ZSCAN32: variants seen among roughly 807,000 people sequenced by gnomAD.
ZSCAN32 encodes the protein zinc finger and SCAN domain-containing protein 32.
A neutral mutation model predicts 47.4 loss-of-function variants in ZSCAN32; 52 were observed. The ratio of observed to expected loss-of-function variants is 1.10; its 90% CI spans 0.88 to 1.38. The LOEUF is 1.38. Among genes scored for constraint, ZSCAN32 ranks in the 40% most tolerant of loss-of-function variants. ZSCAN32 has a pLI of 0.00. For missense variants in ZSCAN32, 959 were observed against 846.0 expected (o/e 1.13, Z -1.66); for synonymous variants, 346 against 305.7 (o/e 1.13, Z -1.38).
At chr16:3,394,615 G>A (rs974507341) in intron 2 of ZSCAN32, among the ~76,000 whole-genome samples, 11 of 152,064 alleles carry the variant, frequency 7.2e-5, no homozygotes, top group African/African-American at 2.7e-4. Flanking sequence ...AAAATCTAGA[G>A]TCCTGTCCCT....
intron 4 of ZSCAN32, 89 bp downstream of exon 4, chr16:3,390,334 A>G (rs918372490): frequency 7.2e-7 from 1 of 1,393,286 alleles, no homozygotes; most frequent in Non-Finnish European, 9.7e-7. Flanking sequence ...CATGGACCAC[A>G]CAGAATCTTT....
chr16:3,391,033 A>T (rs992872237), intron 3 of ZSCAN32, among the ~76,000 whole-genome samples: 4 of 152,232 alleles, frequency 2.6e-5, no homozygotes, highest in African/African-American at 9.6e-5. Flanking sequence ...GAATTGTACA[A>T]ATATGACTGT....
intron 2 of ZSCAN32, among the ~76,000 whole-genome samples, chr16:3,394,957 T>A (rs535786951): frequency 6.6e-6 from 1 of 152,336 alleles, no homozygotes; most frequent in Non-Finnish European, 1.5e-5. Flanking sequence ...ACTCCAGTTA[T>A]CACATCACTC....
intron 5 of ZSCAN32, 23 bp from the exon 6 acceptor site, chr16:3,384,964 A>G (rs748484394): frequency 2.9e-5 from 47 of 1,601,386 alleles, no homozygotes; most frequent in Non-Finnish European, 3.8e-5. Context: ...GAATAGGTCA[A>G]TTAGATCTGT....
Position 3,393,739 on chromosome 16 carries a change from T to G in ZSCAN32, c.442A>C (p.Arg148=). Residue 148 remains arginine, a synonymous_variant, in exon 3 of 7, where the codon AGA becomes CGA. Coordinates refer to ENST00000396852, the MANE Select transcript of ZSCAN32 (RefSeq NM_001284527.2). ...TGAACCTCCTGTTTCCATTGGGATC[T>G]CAGTGATTCTCTGGTTGCTCCCAAA... ...APLGATRESL[R]SQWKQEVQPE... 1 of 1,550,470 alleles carries G rather than the reference T, an allele frequency of 6.4e-7. No homozygotes were observed. The highest frequency in any genetic ancestry group is 8.7e-7 in the Non-Finnish European group (1 of 1,146,932).
intron 2 of ZSCAN32, among the ~76,000 whole-genome samples, chr16:3,394,974 T>C (rs1431144092): frequency 6.6e-6 from 1 of 152,232 alleles, no homozygotes; most frequent in African/African-American, 2.4e-5. Context: ...ACTCTGCTCA[T>C]TTCCTTCCAA....
At chr16:3,389,340 C>A (rs1245645068) in intron 5 of ZSCAN32, among the ~76,000 whole-genome samples, 1 of 152,192 alleles carries the variant, frequency 6.6e-6, no homozygotes, top group African/African-American at 2.4e-5. Context: ...GTCCCTCCCA[C>A]CCTGGGCTTA....
At chr16:3,393,880 G>C (rs762557926) in intron 2 of ZSCAN32, 66 bp from the exon 3 acceptor site, 26 of 1,354,088 alleles carry the variant, frequency 1.9e-5, no homozygotes, top group Admixed American at 2.8e-5. Flanking sequence ...CAACTCCTAA[G>C]AGTGGCATTA....
At chr16:3,383,985 A>G (rs1037194756) in intron 6 of ZSCAN32, 18 of 470,474 alleles carry the variant, frequency 3.8e-5, no homozygotes, top group African/African-American at 1.8e-4. Context: ...ATTAAGCACT[A>G]TATCATCTGC....
In ZSCAN32 at chr16:3,383,003, A is replaced by G. The variant is rs750462968; in HGVS notation, c.1943T>C (p.Phe648Ser). 7 of 1,613,924 alleles carry G rather than the reference A, an allele frequency of 4.3e-6. No homozygotes were observed. In the South Asian group the frequency reaches 6.6e-5, roughly 15 times the overall value. ...AGTGTGGGTTTTTCGGTGGGCACTG[A>G]AGTGGGAGCTATTGTTGAAGATTTT... ...CGKIFNNSSH[F>S]SAHRKTHTGE... The change falls in exon 7 of 7, where the codon TTC (phenylalanine) becomes TCC (serine). Residue 648 changes from phenylalanine (F) to serine (S), a missense_variant. Physicochemically the swap from Phe to Ser is radical, Grantham distance 155. Coordinates refer to ENST00000396852, the MANE Select transcript of ZSCAN32 (RefSeq NM_001284527.2).
intron 5 of ZSCAN32, among the ~76,000 whole-genome samples, chr16:3,387,358 C>T (rs2032139120): frequency 6.6e-6 from 1 of 152,170 alleles, no homozygotes; most frequent in Non-Finnish European, 1.5e-5. Flanking sequence ...CTCAGCCAGC[C>T]CATCTCTATC....
intron 3 of ZSCAN32, among the ~76,000 whole-genome samples, chr16:3,391,671 C>T (rs374842945): frequency 2.1e-5 from 3 of 144,516 alleles, no homozygotes; most frequent in East Asian, 2.0e-4. Flanking sequence ...AAGAGTGAAA[C>T]TCCATCTCAA....
chr16:3,385,168 C>T (rs1195218477), intron 5 of ZSCAN32, among the ~76,000 whole-genome samples: 1 of 152,014 alleles, frequency 6.6e-6, no homozygotes, highest in Non-Finnish European at 1.5e-5. Flanking sequence ...ACTAAAAATA[C>T]AACAAAAAAT....
At chr16:3,387,966 C>T (rs1330584473) in intron 5 of ZSCAN32, among the ~76,000 whole-genome samples, 2 of 152,190 alleles carry the variant, frequency 1.3e-5, no homozygotes, top group African/African-American at 2.4e-5. Flanking sequence ...TGCCCAGAAC[C>T]GCACAAGGCT....
Position 3,397,373 on chromosome 16 carries a change from C to A in ZSCAN32, c.185G>T (p.Cys62Phe), listed in dbSNP as rs976039717. ...HEAFSKLWEL[C>F]CQWLRPKTHS... is the part of the protein sequence containing the mutation. ...GGTCTTCGGCCTCAGCCACTGACAACAGAGTTCCCAGAGTTTGCTAAAAGC... is the reference window on the plus strand; with the variant it reads ...GGTCTTCGGCCTCAGCCACTGACAAAAGAGTTCCCAGAGTTTGCTAAAAGC... The change falls in exon 2 of 7, where the codon TGT becomes TTT. Residue 62 changes from cysteine (C) to phenylalanine (F), a missense_variant. Transcript: ENST00000396852. The A allele has an allele frequency of 1.9e-6, 3 of 1,555,150 alleles. No individual in the cohort carries two copies. Among genetic ancestry groups the A allele is most frequent in the Non-Finnish European group, 2.6e-6 (3 of 1,149,586 alleles).
At position 3,391,576 on chromosome 16, in the gene ZSCAN32, C is replaced by T. The variant is rs137969835; in HGVS notation, c.533-1059G>A. Among the ~76,000 whole-genome samples the T allele has an allele frequency of 3.3e-5, 5 of 150,980 alleles. No individual in the cohort carries two copies. The East Asian group carries it at 9.8e-4, about 30-fold the overall frequency. On this transcript the variant is annotated intron_variant, in intron 3 of 6. Transcript: ENST00000396852. ...CGCCTGTAATCCCAGCTACTCAGGA[C>T]GCTGAGGCAAGAGAATCACTTGAAC...
In ZSCAN32 at chr16:3,393,786, A is replaced by T; in HGVS notation, c.395T>A (p.Val132Glu). ...CAAAGGGGCCATCTCCTTCATGAGT[A>T]CTTTCAAGTCCTTCTCAGAATCTAG... ...QVLDSEKDLK[V>E]LMKEMAPLGA... The change falls in exon 3 of 7, where the codon GTA becomes GAA. Residue 132 changes from valine to glutamate, a missense_variant. Physicochemically the swap from Val to Glu is moderately radical, Grantham distance 121. Transcript: ENST00000396852. 1 of 1,549,940 alleles carries T rather than the reference A, an allele frequency of 6.5e-7. No homozygotes were observed. The highest frequency in any genetic ancestry group is 8.7e-7 in the Non-Finnish European group (1 of 1,146,564).
intron 1 of ZSCAN32, among the ~76,000 whole-genome samples, chr16:3,400,454 T>G (rs189335521): frequency 2.6e-5 from 4 of 152,312 alleles, no homozygotes; most frequent in African/African-American, 9.6e-5. Flanking sequence ...GCACCCTTCT[T>G]GACCCCTTTT....
At chr16:3,393,935 C>T (rs2033117625) in intron 2 of ZSCAN32, 121 bp from the exon 3 acceptor site, 2 of 760,792 alleles carry the variant, frequency 2.6e-6, no homozygotes, top group Non-Finnish European at 4.0e-6. Context: ...ATCTAGGAGC[C>T]ACTGTATTGC....
Sources: allele counts gnomAD v4.1 joint callset (sites outside exome capture counted in the v4.1 genomes callset), GRCh38; gene constraint gnomAD v4.1.1; transcripts MANE v1.5; gene names NCBI Gene and HGNC (gene_info 2026-07-23, HGNC 2026-07-21).